PRIM2: variants seen among roughly 807,000 people sequenced by gnomAD.
The protein encoded by PRIM2 is DNA primase subunit 2, also known as DNA primase large subunit.
A neutral mutation model predicts 67.3 loss-of-function variants in PRIM2; 39 were observed. The observed-to-expected ratio is 0.58, with a 90% confidence interval of 0.45 to 0.76. PRIM2 has a LOEUF of 0.76. Among genes scored for constraint, PRIM2 ranks in the 30% least tolerant of loss-of-function variants. The pLI, the probability that PRIM2 is intolerant of heterozygous loss-of-function variation, is 0.00. For missense variants in PRIM2, 398 were observed against 598.7 expected (o/e 0.66, Z 3.50); for synonymous variants, 143 against 198.7 (o/e 0.72, Z 2.36).
intron 7 of PRIM2, among the ~76,000 whole-genome samples, chr6:57,464,144 T>G (rs201480932): frequency 0.038 from 5,850 of 152,294 alleles, 354 homozygotes; most frequent in African/African-American, 0.13. Context: ...GTCCTTATTA[T>G]GCACACTCTC....
intron 10 of PRIM2, among the ~76,000 whole-genome samples, chr6:57,579,621 A>G (rs1276876047): frequency 6.6e-6 from 1 of 152,160 alleles, no homozygotes. Flanking sequence ...TGTAAGTAGA[A>G]GTGTGCTAAA....
intron 7 of PRIM2, among the ~76,000 whole-genome samples, chr6:57,495,471 T>C (rs1252495217): frequency 2.0e-5 from 3 of 152,178 alleles, no homozygotes; most frequent in Admixed American, 6.6e-5. Flanking sequence ...ACCAAATGAA[T>C]ACTTTCTGCA....
At chr6:57,589,540 G>A (rs1190627390) in intron 10 of PRIM2, among the ~76,000 whole-genome samples, 63 of 152,300 alleles carry the variant, frequency 4.1e-4, no homozygotes, top group African/African-American at 1.5e-3. Context: ...TACAGACAGT[G>A]TGAAAGAGCC....
intron 10 of PRIM2, among the ~76,000 whole-genome samples, chr6:57,568,898 C>G (rs1314105464): frequency 2.0e-5 from 3 of 152,182 alleles, no homozygotes; most frequent in Non-Finnish European, 4.4e-5. Flanking sequence ...AGCTTTTTAC[C>G]CTCTCTGGGC....
intron 5 of PRIM2, among the ~76,000 whole-genome samples, chr6:57,339,648 G>A (rs1275253782): frequency 6.6e-6 from 1 of 152,160 alleles, no homozygotes; most frequent in African/African-American, 2.4e-5. Context: ...AAACTGGCTA[G>A]CCATATGCAG....
intron 10 of PRIM2, among the ~76,000 whole-genome samples, chr6:57,586,686 G>T (rs1451700456): frequency 6.6e-6 from 1 of 152,270 alleles, no homozygotes; most frequent in South Asian, 2.1e-4. Flanking sequence ...CCAGGTGTGC[G>T]CACAGGAAAG....
At chr6:57,316,200 G>A (rs1020246409), upstream of PRIM2, among the ~76,000 whole-genome samples, 2 of 152,196 alleles carry the variant, frequency 1.3e-5, no homozygotes, top group African/African-American at 4.8e-5. Context: ...GCCGAGGTGG[G>A]CGGATCACGA....
At chr6:57,324,352 T>G in intron 4 of PRIM2, 72 bp downstream of exon 4, 1 of 934,812 alleles carries the variant, frequency 1.1e-6, no homozygotes, top group East Asian at 2.6e-5. Context: ...GGTAAGTTGA[T>G]GTGTTGTGCT....
chr6:57,460,887 G>A (rs1581930059), intron 7 of PRIM2, among the ~76,000 whole-genome samples: 1 of 152,132 alleles, frequency 6.6e-6, no homozygotes, highest in Non-Finnish European at 1.5e-5. Flanking sequence ...TTAACTGAAC[G>A]GTTCATAATA....
intron 10 of PRIM2, among the ~76,000 whole-genome samples, chr6:57,545,766 G>T (rs1194673178): frequency 4.6e-5 from 7 of 152,086 alleles, no homozygotes; most frequent in Non-Finnish European, 1.0e-4. Flanking sequence ...AGTCTTCCAA[G>T]AGATTTATTT....
chr6:57,297,271 G>T, the PRIM2 span, among the ~76,000 whole-genome samples: 2 of 151,976 alleles, frequency 1.3e-5, no homozygotes, highest in Non-Finnish European at 2.9e-5. Context: ...GCGAAACCCT[G>T]CCTCCACTAA....
At chr6:57,354,278 G>A (rs1030524874) in intron 5 of PRIM2, among the ~76,000 whole-genome samples, 2 of 151,718 alleles carry the variant, frequency 1.3e-5, no homozygotes, top group Middle Eastern at 3.4e-3. Flanking sequence ...TTTGAATCTA[G>A]TTTGGGTAAA....
At chr6:57,406,193 C>CT (rs1221982349) in intron 7 of PRIM2, among the ~76,000 whole-genome samples, 10 of 151,212 alleles carry the variant, frequency 6.6e-5, no homozygotes, top group Middle Eastern at 3.2e-3. Flanking sequence ...AAGACCACTG[C>CT]TTTTTTTTTC....
intron 7 of PRIM2, chr6:57,494,059 T>TA: frequency 1.3e-5 from 2 of 152,342 alleles, no homozygotes; most frequent in South Asian, 4.1e-4. Context: ...AAGAGCATTT[T>TA]ACAAATATGA....
At chr6:57,264,944 G>A in the PRIM2 span, among the ~76,000 whole-genome samples, 3 of 152,148 alleles carry the variant, frequency 2.0e-5, no homozygotes, top group Non-Finnish European at 4.4e-5. Flanking sequence ...AATGGGTGGA[G>A]GAGAGAAAAC....
chr6:57,548,442 C>T (rs1379820622), intron 10 of PRIM2, among the ~76,000 whole-genome samples: 3 of 151,954 alleles, frequency 2.0e-5, no homozygotes, highest in African/African-American at 7.3e-5. Context: ...TTGGGGTGGG[C>T]AGGAGCAGTA....
At chr6:57,377,598 C>G (rs182218115) in intron 5 of PRIM2, among the ~76,000 whole-genome samples, 1 of 151,458 alleles carries the variant, frequency 6.6e-6, no homozygotes, top group East Asian at 1.9e-4. Context: ...GGTTGTAGAT[C>G]CATGTGAAGG....
At chr6:57,535,994 A>G (rs1201717683) in intron 9 of PRIM2, among the ~76,000 whole-genome samples, 1 of 152,244 alleles carries the variant, frequency 6.6e-6, no homozygotes, top group Non-Finnish European at 1.5e-5. Context: ...AAAATCAGAT[A>G]TTAATATGAA....
chr6:57,633,958 C>T (rs1777076879), intron 13 of PRIM2, among the ~76,000 whole-genome samples: 1 of 152,172 alleles, frequency 6.6e-6, no homozygotes, highest in Non-Finnish European at 1.5e-5. Flanking sequence ...AGGCACAGCA[C>T]TAAAATTTTT....
Sources: gnomAD v4.1 joint callset for allele counts (sites outside exome capture counted in the v4.1 genomes callset) on GRCh38, gnomAD v4.1.1 for gene constraint, MANE v1.5 for transcripts, NCBI Gene and HGNC (gene_info 2026-07-23, HGNC 2026-07-21) for gene names.